ADAMTS20: variants seen among roughly 807,000 people sequenced by gnomAD.
ADAMTS20 encodes A disintegrin and metalloproteinase with thrombospondin motifs 20.
A neutral mutation model predicts 260.1 loss-of-function variants in ADAMTS20; 225 were observed. The observed-to-expected ratio is 0.87, with a 90% CI of 0.78 to 0.97. The LOEUF is 0.97. Ranked by LOEUF, ADAMTS20 falls within the 50% of genes least tolerant of loss-of-function variation. ADAMTS20 has a pLI of 0.00. For missense variants in ADAMTS20, 2,400 were observed against 2,337.7 expected (o/e 1.03, Z -0.55); for synonymous variants, 802 against 769.5 (o/e 1.04, Z -0.70).
chr12:43,377,760 C>G (rs898747332), intron 31 of ADAMTS20, among the ~76,000 whole-genome samples, 198 bp from the exon 32 acceptor site: 2 of 152,012 alleles, frequency 1.3e-5, no homozygotes, highest in Admixed American at 6.6e-5. Context: ...GAAAGAAACT[C>G]AGATCCAGGC....
At chr12:43,494,288 T>A (rs377177029) in intron 4 of ADAMTS20, among the ~76,000 whole-genome samples, 6 of 152,172 alleles carry the variant, frequency 3.9e-5, no homozygotes, top group African/African-American at 1.4e-4. Context: ...CAGATATAGA[T>A]AAGAGGACAA....
At chr12:43,456,111 A>T (rs935273974) in intron 11 of ADAMTS20, among the ~76,000 whole-genome samples, 1 of 152,210 alleles carries the variant, frequency 6.6e-6, no homozygotes, top group Non-Finnish European at 1.5e-5. Flanking sequence ...CCATAGAAAA[A>T]TATGGCTTAT....
At chr12:43,525,683 A>G (rs1013962481) in intron 3 of ADAMTS20, among the ~76,000 whole-genome samples, 1 of 152,246 alleles carries the variant, frequency 6.6e-6, no homozygotes, top group Non-Finnish European at 1.5e-5. Context: ...GGAAAAATAC[A>G]TTGAATGCAA....
intron 18 of ADAMTS20, among the ~76,000 whole-genome samples, chr12:43,435,540 G>A (rs1277260380): frequency 6.6e-6 from 1 of 150,868 alleles, no homozygotes; most frequent in Non-Finnish European, 1.5e-5. Flanking sequence ...TCGGGAGGCT[G>A]AGACAGGAGA....
intron 31 of ADAMTS20, among the ~76,000 whole-genome samples, chr12:43,381,247 A>T (rs960655194): frequency 6.6e-6 from 1 of 152,194 alleles, no homozygotes; most frequent in Admixed American, 6.5e-5. Flanking sequence ...CTGAGCTACA[A>T]TTATAAAAGC....
At chr12:43,492,127 T>C (rs563254494) in intron 6 of ADAMTS20, among the ~76,000 whole-genome samples, 1 of 152,264 alleles carries the variant, frequency 6.6e-6, no homozygotes, top group South Asian at 2.1e-4. Context: ...ACGCCTGTAA[T>C]CCCAACACTT....
rs1019779238 is a variant in ADAMTS20 at position 43,381,890 on chromosome 12, C to T, written c.4797+1668G>A. ...CAAAAAGATACTCAACATCATTAGT[C>T]ATTAGAGAAATGCAACTTAAACATA... On this transcript the variant is annotated intron_variant, in intron 31 of 38. Coordinates refer to ENST00000389420, the MANE Select transcript of ADAMTS20 (RefSeq NM_025003.5). 5.3e-5 allele frequency among the ~76,000 whole-genome samples: 8 copies of T among 150,314 alleles called. No individual in the cohort carries two copies. In the East Asian group the frequency reaches 1.6e-3, roughly 30 times the overall value.
chr12:43,501,319 C>T (rs1432541139), intron 4 of ADAMTS20, among the ~76,000 whole-genome samples: 2 of 151,958 alleles, frequency 1.3e-5, no homozygotes, highest in Non-Finnish European at 2.9e-5. Flanking sequence ...CTCAGCCTCC[C>T]AAAGTGCTGG....
At position 43,360,109 on chromosome 12, in the gene ADAMTS20, G is replaced by A. The variant is rs144177041; in HGVS notation, c.5539-3521C>T. 4.6e-4 allele frequency among the ~76,000 whole-genome samples: 70 copies of A among 152,258 alleles called. 1 individual carries two copies. The highest frequency in any genetic ancestry group is 1.4e-3 in the East Asian group (7 of 5,176). ...ATATAAAAAAACTCAAAACTCAACC[G>A]TAAGGAAACAAACAACTCAATTTTT... On this transcript the variant is annotated intron_variant, in intron 37 of 38. Coordinates refer to ENST00000389420, the MANE Select transcript of ADAMTS20 (RefSeq NM_025003.5).
intron 11 of ADAMTS20, among the ~76,000 whole-genome samples, chr12:43,460,823 C>T (rs1279304325): frequency 6.6e-6 from 1 of 151,044 alleles, no homozygotes; most frequent in African/African-American, 2.4e-5. Context: ...ACGCCTGTCC[C>T]ATTCCACTCC....
intron 29 of ADAMTS20, among the ~76,000 whole-genome samples, chr12:43,395,502 G>A (rs1461921180): frequency 2.0e-5 from 3 of 151,618 alleles, no homozygotes; most frequent in African/African-American, 7.3e-5. Flanking sequence ...CAAATTAGGG[G>A]CTTTGGGTGG....
In ADAMTS20 at chr12:43,485,065, C is replaced by T. The variant is rs1942500354; in HGVS notation, c.1117+5330G>A. 5.5e-5 allele frequency among the ~76,000 whole-genome samples: 8 copies of T among 146,712 alleles called. No individual in the cohort carries two copies. In the South Asian group the frequency reaches 8.9e-4, roughly 16 times the overall value. Reference sequence around the variant, plus strand: ...AACTAATTTTATAAAGCCAGTATTTCCCTGATACCAGTCAAGAAAGGACGT... The same window carrying T: ...AACTAATTTTATAAAGCCAGTATTTTCCTGATACCAGTCAAGAAAGGACGT... On this transcript the variant is annotated intron_variant, in intron 7 of 38. Coordinates refer to ENST00000389420, the MANE Select transcript of ADAMTS20 (RefSeq NM_025003.5).
chr12:43,460,988 A>ATATATATTTTTTTTT, intron 11 of ADAMTS20, among the ~76,000 whole-genome samples: 20 of 26,394 alleles, frequency 7.6e-4, no homozygotes, highest in Non-Finnish European at 8.7e-4. Flanking sequence ...ATATATATAT[A>ATATATATTTTTTTTT]TTTTTTTTTT....
At chr12:43,490,486 C>T in intron 6 of ADAMTS20, 51 bp from the exon 7 acceptor site, 1 of 983,110 alleles carries the variant, frequency 1.0e-6, no homozygotes, top group Non-Finnish European at 1.4e-6. Flanking sequence ...ATTTTTGCAA[C>T]AAGCCAAAAT....
At chr12:43,504,909 T>C (rs61926792) in intron 3 of ADAMTS20, among the ~76,000 whole-genome samples, 14,710 of 152,222 alleles carry the variant, frequency 0.097, 882 homozygotes, top group Admixed American at 0.2. Context: ...AAAACCAATC[T>C]GGCAAATTTT....
intron 2 of ADAMTS20, among the ~76,000 whole-genome samples, chr12:43,532,540 C>CTTT (rs11389735): frequency 7.1e-5 from 10 of 141,522 alleles, no homozygotes; most frequent in African/African-American, 1.3e-4. Flanking sequence ...AAAATAGATA[C>CTTT]TTTTTTTTTT....
intron 29 of ADAMTS20, among the ~76,000 whole-genome samples, chr12:43,397,894 C>T (rs955370640): frequency 3.3e-5 from 5 of 152,136 alleles, no homozygotes; most frequent in Non-Finnish European, 5.9e-5. Flanking sequence ...ATTTGGAAGG[C>T]TTTTATTCAG....
chr12:43,358,729 CG>C (rs1176586502), intron 37 of ADAMTS20, among the ~76,000 whole-genome samples: 1 of 148,230 alleles, frequency 6.7e-6, no homozygotes, highest in Non-Finnish European at 1.5e-5. Flanking sequence ...CCCAGCTACA[CG>C]GGAGGCTGAG....
At chr12:43,534,386 C>A (rs938776599) in intron 2 of ADAMTS20, among the ~76,000 whole-genome samples, 32 of 152,140 alleles carry the variant, frequency 2.1e-4, no homozygotes, top group Admixed American at 6.5e-4. Flanking sequence ...TATGTCAGTA[C>A]AATCAGTATG....
Sources: gnomAD v4.1 joint callset for allele counts (sites outside exome capture counted in the v4.1 genomes callset) on GRCh38, gnomAD v4.1.1 for gene constraint, MANE v1.5 for transcripts, NCBI Gene and HGNC (gene_info 2026-07-23, HGNC 2026-07-21) for gene names.